Variants in PRKAR2B observed in about 807,000 individuals in gnomAD.
PRKAR2B encodes cAMP-dependent protein kinase type II-beta regulatory subunit.
Under a neutral mutation model 49.9 loss-of-function variants are expected in PRKAR2B, and 14 were observed. The ratio of observed to expected loss-of-function variants is 0.28; its 90% CI spans 0.19 to 0.44. The LOEUF is 0.44. Ranked by LOEUF, PRKAR2B falls within the 20% of genes least tolerant of loss-of-function variation. PRKAR2B has a pLI of 1.00. For missense variants in PRKAR2B, 393 were observed against 537.9 expected (o/e 0.73, Z 2.67); for synonymous variants, 196 against 197.7 (o/e 0.99, Z 0.07).
At chr7:107,063,393 C>G (rs1794065347) in intron 1 of PRKAR2B, among the ~76,000 whole-genome samples, 1 of 151,952 alleles carries the variant, frequency 6.6e-6, no homozygotes, top group Non-Finnish European at 1.5e-5. Context: ...CAGCAGTGTT[C>G]TAAGCCTTGG....
In PRKAR2B at chr7:107,045,019, C is replaced by G; in HGVS notation, c.112C>G (p.Arg38Gly). ...LLEFALQHFTRLQQENERKGT... is the reference protein window; with the variant it reads ...LLEFALQHFTGLQQENERKGT... The stretch of plus-strand genomic sequence containing the variant: ...GGAGTTCGCGCTGCAGCACTTCACC[C>G]GCCTGCAGCAGGAGAACGAGCGCAA... The change falls in exon 1 of 11, where the codon CGC becomes GGC. Residue 38 changes from arginine (R) to glycine (G), a missense_variant. By Grantham distance (125) the Arg-to-Gly change is moderately radical (BLOSUM62 -2). Coordinates refer to ENST00000265717, the MANE Select transcript of PRKAR2B (RefSeq NM_002736.3). The G allele has an allele frequency of 6.4e-7, 1 of 1,552,138 alleles. No homozygotes were observed. The highest frequency in any genetic ancestry group is 1.2e-5 in the South Asian group (1 of 84,534).
chr7:107,085,712 G>C (rs957973777), intron 2 of PRKAR2B, among the ~76,000 whole-genome samples: 3 of 152,048 alleles, frequency 2.0e-5, no homozygotes, highest in Non-Finnish European at 1.5e-5. Flanking sequence ...AGTGTATTGT[G>C]TTCTATTTTC....
intron 2 of PRKAR2B, among the ~76,000 whole-genome samples, chr7:107,105,669 A>C (rs1158211475): frequency 6.6e-6 from 1 of 152,040 alleles, no homozygotes; most frequent in Non-Finnish European, 1.5e-5. Context: ...TCAGTCCTCT[A>C]TTCTCTTGGC....
chr7:107,156,078 G>GGGA (rs1204749202), intron 8 of PRKAR2B, among the ~76,000 whole-genome samples: 8 of 152,078 alleles, frequency 5.3e-5, no homozygotes, highest in Non-Finnish European at 1.0e-4. Flanking sequence ...ACACAGGGAG[G>GGGA]GGAACATCAC....
intron 10 of PRKAR2B, among the ~76,000 whole-genome samples, chr7:107,158,147 T>G (rs961365347): frequency 6.9e-6 from 1 of 145,842 alleles, no homozygotes; most frequent in Non-Finnish European, 1.5e-5. Context: ...GTAATTTCCC[T>G]AAGTAGGGCT....
At chr7:107,155,970 C>G (rs1297898174) in intron 8 of PRKAR2B, among the ~76,000 whole-genome samples, 1 of 152,122 alleles carries the variant, frequency 6.6e-6, no homozygotes. Context: ...ATGGATGAAG[C>G]TGGAAGCCAT....
At chr7:107,130,901 C>T (rs1795595094) in intron 4 of PRKAR2B, among the ~76,000 whole-genome samples, 1 of 152,204 alleles carries the variant, frequency 6.6e-6, no homozygotes, top group African/African-American at 2.4e-5. Flanking sequence ...TAGAACTTTA[C>T]ATGGGAGAAT....
rs74318461 is a variant in PRKAR2B at position 107,145,490 on chromosome 7, G to A, written c.588-818G>A. ...AACAGAAACTCTTAAATTAGATAGC[G>A]AATATGCCTAGAATCCCTCACTATT... is the stretch of plus-strand genomic sequence containing the variant. On this transcript the variant is annotated intron_variant, in intron 5 of 10. Coordinates refer to ENST00000265717, the MANE Select transcript of PRKAR2B (RefSeq NM_002736.3). Among the ~76,000 whole-genome samples the A allele has an allele frequency of 3.5e-3, 536 of 152,224 alleles. 21 individuals are homozygous for A. The East Asian group carries it at 0.081, about 23-fold the overall frequency.
In PRKAR2B at chr7:107,107,166, G is replaced by A. The variant is rs777387491; in HGVS notation, c.344-14786G>A. On this transcript the variant is annotated intron_variant, in intron 2 of 10. Transcript: ENST00000265717. ...AGCCTGGCCAACATGGTGAAACCCC[G>A]TCTCTACTAAACATACAAAAATTAG... Among the ~76,000 whole-genome samples, 17 of 152,170 alleles carry A rather than the reference G, an allele frequency of 1.1e-4. No homozygotes were observed. In the East Asian group the frequency reaches 3.1e-3, roughly 28 times the overall value.
rs1367759961 is a variant in PRKAR2B at position 107,045,085 on chromosome 7, G to C, written c.178G>C (p.Asp60His). The C allele has an allele frequency of 2.0e-6, 3 of 1,534,622 alleles. No homozygotes were observed. Among genetic ancestry groups the C allele is most frequent in the South Asian group, 1.2e-5 (1 of 83,900 alleles). Reference sequence around the variant, plus strand: ...CGGCCATGAGGGCAGGACCTGGGGGGACCTGGGCGCCGCTGCCGGGGGCGG... The same window carrying C: ...CGGCCATGAGGGCAGGACCTGGGGGCACCTGGGCGCCGCTGCCGGGGGCGG... Reference protein sequence around the residue: ...RFGHEGRTWGDLGAAAGGGTP... With the variant: ...RFGHEGRTWGHLGAAAGGGTP... The change falls in exon 1 of 11, where the codon GAC (aspartate) becomes CAC (histidine). Residue 60 changes from aspartate to histidine, a missense_variant. Asp to His is a moderately conservative substitution (Grantham distance 81, BLOSUM62 -1). This residue lies in a region of PRKAR2B where 160 missense variants were observed against 147.6 expected (regional missense o/e 1.08). Transcript: ENST00000265717.
intron 4 of PRKAR2B, among the ~76,000 whole-genome samples, chr7:107,133,416 C>A (rs1795637765): frequency 6.6e-6 from 1 of 152,108 alleles, no homozygotes; most frequent in Non-Finnish European, 1.5e-5. Context: ...TGATGTTCAC[C>A]CTCTACCTGC....
intron 2 of PRKAR2B, among the ~76,000 whole-genome samples, chr7:107,097,406 G>T (rs540354041): frequency 1.9e-4 from 29 of 152,076 alleles, no homozygotes; most frequent in Admixed American, 4.6e-4. Flanking sequence ...GTGTATCTCT[G>T]CACGTGAGAT....
At chr7:107,130,933 T>C (rs1421419104) in intron 4 of PRKAR2B, among the ~76,000 whole-genome samples, 2 of 152,208 alleles carry the variant, frequency 1.3e-5, no homozygotes, top group African/African-American at 4.8e-5. Context: ...CCAAAAACAG[T>C]GCTCTCAAGC....
chr7:107,050,229 A>G (rs144137225), intron 1 of PRKAR2B, among the ~76,000 whole-genome samples: 163 of 152,126 alleles, frequency 1.1e-3, no homozygotes, highest in Middle Eastern at 6.8e-3. Flanking sequence ...CACTTTGAAG[A>G]CATACAATGG....
At chr7:107,062,958 A>G (rs1047629213) in intron 1 of PRKAR2B, among the ~76,000 whole-genome samples, 3 of 152,150 alleles carry the variant, frequency 2.0e-5, no homozygotes, top group Non-Finnish European at 4.4e-5. Context: ...CCAGTACTAT[A>G]TATTTTAATT....
chr7:107,110,732 A>G (rs1435960596), intron 2 of PRKAR2B, among the ~76,000 whole-genome samples: 1 of 152,016 alleles, frequency 6.6e-6, no homozygotes, highest in Non-Finnish European at 1.5e-5. Context: ...CCTGCAGACT[A>G]AAGAGCTTTG....
intron 2 of PRKAR2B, among the ~76,000 whole-genome samples, chr7:107,118,535 A>G (rs1021107184): frequency 6.6e-6 from 1 of 152,072 alleles, no homozygotes; most frequent in Non-Finnish European, 1.5e-5. Flanking sequence ...AAGAGCACAC[A>G]GTCGGTTCCT....
chr7:107,095,210 GA>G, intron 2 of PRKAR2B, among the ~76,000 whole-genome samples: 1 of 152,262 alleles, frequency 6.6e-6, no homozygotes, highest in East Asian at 1.9e-4. Flanking sequence ...TCTCCTTGAA[GA>G]AGTCCTTCAC....
At chr7:107,125,766 G>A (rs564317478) in intron 3 of PRKAR2B, among the ~76,000 whole-genome samples, 5 of 152,194 alleles carry the variant, frequency 3.3e-5, no homozygotes, top group African/African-American at 1.2e-4. Context: ...AGTGATGGAG[G>A]TGGGGCTGAG....
Sources: gnomAD v4.1 joint callset for allele counts (sites outside exome capture counted in the v4.1 genomes callset) on GRCh38, gnomAD v4.1.1 for gene constraint, gnomAD v4.1.1 regional missense constraint, MANE v1.5 for transcripts, NCBI Gene and HGNC (gene_info 2026-07-23, HGNC 2026-07-21) for gene names.